The following SCN11A variants were observed in gnomAD, a reference collection of about 807,000 sequenced individuals.
SCN11A encodes the protein sodium channel protein type 11 subunit alpha.
In SCN11A, 122 loss-of-function variants were observed where a neutral mutation model predicts 162.2. The ratio of observed to expected loss-of-function variants is 0.75; its 90% CI spans 0.65 to 0.87. SCN11A has a LOEUF of 0.87. Ranked by LOEUF, SCN11A falls within the 40% of genes least tolerant of loss-of-function variation. The pLI is 0.00. For missense variants in SCN11A, 2,015 were observed against 2,181.6 expected (o/e 0.92, Z 1.52); for synonymous variants, 758 against 751.5 (o/e 1.01, Z -0.14).
Position 39,019,894 on chromosome 3 carries a change from A to T in SCN11A, c.-280+12486T>A, listed in dbSNP as rs557629680. On this transcript the variant is annotated intron_variant, in intron 2 of 29. Coordinates refer to ENST00000302328, the MANE Select transcript of SCN11A (RefSeq NM_001349253.2). The stretch of plus-strand genomic sequence containing the variant: ...TTTTAAATCTCCAAATGGTTGGGGT[A>T]TTTACTGTTTGATCATTTTGTATCA... Among the ~76,000 whole-genome samples, 343 of 152,118 alleles carry T rather than the reference A, an allele frequency of 2.3e-3. 1 individual carries two copies. The highest frequency in any genetic ancestry group is 7.9e-3 in the African/African-American group (326 of 41,492).
At chr3:38,872,599 T>C (rs994677008) in intron 23 of SCN11A, among the ~76,000 whole-genome samples, 1 of 152,214 alleles carries the variant, frequency 6.6e-6, no homozygotes, top group Non-Finnish European at 1.5e-5. Flanking sequence ...TTGAAATTTA[T>C]TATGATAGTC....
At chr3:38,866,722 A>G (rs1443498289) in intron 27 of SCN11A, among the ~76,000 whole-genome samples, 1 of 152,132 alleles carries the variant, frequency 6.6e-6, no homozygotes, top group Non-Finnish European at 1.5e-5. Flanking sequence ...GGTGATTTAA[A>G]TTTTCTTTTT....
At chr3:38,950,065 C>CA in intron 5 of SCN11A, 31 bp downstream of exon 5, 4 of 79,054 alleles carry the variant, frequency 5.1e-5, no homozygotes, top group South Asian at 3.6e-4. Flanking sequence ...ACACCCCCAC[C>CA]CCCACCCCCC....
chr3:38,871,294 C>T, intron 25 of SCN11A, 151 bp downstream of exon 25: 1 of 759,184 alleles, frequency 1.3e-6, no homozygotes, highest in Non-Finnish European at 2.1e-6. Flanking sequence ...CAGTAGAGGA[C>T]AATTCCAGAA....
chr3:38,893,208 G>A (rs1383424102), intron 19 of SCN11A, among the ~76,000 whole-genome samples: 1 of 152,086 alleles, frequency 6.6e-6, no homozygotes, highest in Admixed American at 6.5e-5. Context: ...AAGAAGCTGG[G>A]ATGACTCTAT....
At chr3:38,899,107 T>TG (rs1271774089) in intron 17 of SCN11A, among the ~76,000 whole-genome samples, 1 of 151,784 alleles carries the variant, frequency 6.6e-6, no homozygotes, top group African/African-American at 2.4e-5. Flanking sequence ...AAATCCTATC[T>TG]GAAAAAAAAA....
intron 7 of SCN11A, among the ~76,000 whole-genome samples, chr3:38,940,031 T>C (rs74922680): frequency 0.14 from 20,505 of 147,928 alleles, 1,633 homozygotes; most frequent in East Asian, 0.24. Flanking sequence ...TATAAAATAT[T>C]GATATGTATA....
At chr3:39,013,806 T>G (rs2031211638) in intron 2 of SCN11A, among the ~76,000 whole-genome samples, 1 of 152,246 alleles carries the variant, frequency 6.6e-6, no homozygotes. Flanking sequence ...CCAAGGGATA[T>G]GCAGCAACAG....
chr3:39,049,880 C>T (rs2125620839), intron 1 of SCN11A, among the ~76,000 whole-genome samples: 1 of 152,308 alleles, frequency 6.6e-6, no homozygotes, highest in Non-Finnish European at 1.5e-5. Context: ...ACCATTTCTC[C>T]TTTCAGCCAA....
At chr3:38,926,218 A>C (rs925043050) in intron 8 of SCN11A, among the ~76,000 whole-genome samples, 1 of 152,192 alleles carries the variant, frequency 6.6e-6, no homozygotes, top group East Asian at 1.9e-4. Context: ...CCTTCACCTT[A>C]CACCATACAT....
At chr3:39,000,270 T>C (rs1055357061) in intron 2 of SCN11A, among the ~76,000 whole-genome samples, 8 of 152,198 alleles carry the variant, frequency 5.3e-5, no homozygotes, top group Admixed American at 1.3e-4. Context: ...TTTCCCCCTG[T>C]TGGGAGTCTG....
At chr3:38,908,194 T>G (rs955545112) in intron 13 of SCN11A, 72 bp from the exon 14 acceptor site, 49 of 1,345,736 alleles carry the variant, frequency 3.6e-5, no homozygotes, top group Non-Finnish European at 4.7e-5. Context: ...GACCCCGACC[T>G]GAGAGTGGTG....
At chr3:38,989,039 T>C (rs904118408) in intron 2 of SCN11A, among the ~76,000 whole-genome samples, 1 of 152,106 alleles carries the variant, frequency 6.6e-6, no homozygotes, top group African/African-American at 2.4e-5. Flanking sequence ...CTGCAACCAT[T>C]AGAGTAAGGT....
intron 2 of SCN11A, among the ~76,000 whole-genome samples, chr3:39,005,303 G>GTATAAAACAA (rs1444110031): frequency 6.6e-6 from 1 of 152,186 alleles, no homozygotes; most frequent in Non-Finnish European, 1.5e-5. Flanking sequence ...GTATAAAACA[G>GTATAAAACAA]TATAAAACAA....
At position 38,876,277 on chromosome 3, in the gene SCN11A, A is replaced by G. The variant is rs538813632; in HGVS notation, c.3393+3673T>C. ...CAAATTCTAGAAGATAACATGGGAA[A>G]AACTCTTCTAGACATTGGCTTAGGC... On this transcript the variant is annotated intron_variant, in intron 23 of 29. Transcript: ENST00000302328. Among the ~76,000 whole-genome samples the G allele has an allele frequency of 8.8e-4, 134 of 152,292 alleles. 1 individual carries two copies. Among genetic ancestry groups the G allele is most frequent in the African/African-American group, 3.2e-3 (132 of 41,566 alleles).
intron 9 of SCN11A, among the ~76,000 whole-genome samples, chr3:38,924,749 T>C (rs576453546): frequency 9.2e-5 from 14 of 152,040 alleles, no homozygotes; most frequent in Non-Finnish European, 1.8e-4. Flanking sequence ...CCTCAAGTTA[T>C]CTCCCCACCT....
At chr3:39,015,484 T>C (rs1196624682) in intron 2 of SCN11A, among the ~76,000 whole-genome samples, 2 of 152,210 alleles carry the variant, frequency 1.3e-5, no homozygotes, top group African/African-American at 2.4e-5. Context: ...ATCTTGAAGC[T>C]TGATTATTGT....
At chr3:39,021,373 G>C (rs1468249967) in intron 2 of SCN11A, among the ~76,000 whole-genome samples, 1 of 152,108 alleles carries the variant, frequency 6.6e-6, no homozygotes, top group Non-Finnish European at 1.5e-5. Flanking sequence ...CAAGGTGCTG[G>C]AGCTGTATTA....
chr3:38,947,618 C>T (rs73828738), intron 5 of SCN11A, among the ~76,000 whole-genome samples: 2,430 of 152,198 alleles, frequency 0.016, 67 homozygotes, highest in African/African-American at 0.056. Flanking sequence ...ACATTATGCC[C>T]GCCCCCCCAC....
Sources: allele counts gnomAD v4.1 joint callset (sites outside exome capture counted in the v4.1 genomes callset), GRCh38; gene constraint gnomAD v4.1.1; transcripts MANE v1.5; gene names NCBI Gene and HGNC (gene_info 2026-07-23, HGNC 2026-07-21).